The following KCNQ3 variants were observed in gnomAD, a reference collection of about 807,000 sequenced individuals.
The protein encoded by KCNQ3 is potassium voltage-gated channel subfamily Q member 3, also known as potassium voltage-gated channel subfamily KQT member 3.
Under a neutral mutation model 92.5 loss-of-function variants are expected in KCNQ3, and 30 were observed. That is an observed-to-expected ratio of 0.32 (90% CI 0.24 to 0.44). The LOEUF (loss-of-function observed/expected upper bound fraction) is 0.44. Ranked by LOEUF, KCNQ3 falls within the 20% of genes least tolerant of loss-of-function variation. The pLI is 1.00. For synonymous variants in KCNQ3, 450 were observed against 468.8 expected (o/e 0.96, Z 0.52); for missense variants, 913 against 1,140.3 (o/e 0.80, Z 2.87).
At chr8:132,339,279 A>G (rs1021474337) in intron 1 of KCNQ3, among the ~76,000 whole-genome samples, 2 of 152,196 alleles carry the variant, frequency 1.3e-5, no homozygotes, top group Non-Finnish European at 2.9e-5. Flanking sequence ...TATCATTTTT[A>G]ACTTCTTCTG....
intron 1 of KCNQ3, among the ~76,000 whole-genome samples, chr8:132,289,573 G>C (rs1816783500): frequency 6.6e-6 from 1 of 152,044 alleles, no homozygotes; most frequent in Admixed American, 6.5e-5. Context: ...CACCTACAAG[G>C]ATACATAAGA....
intron 1 of KCNQ3, among the ~76,000 whole-genome samples, chr8:132,230,460 AG>A (rs1814606778): frequency 6.7e-6 from 1 of 149,600 alleles, no homozygotes; most frequent in African/African-American, 2.5e-5. Context: ...AGAGAGAGAG[AG>A]AGAGAGAGAG....
At chr8:132,181,509 A>G (rs1394787689) in intron 3 of KCNQ3, among the ~76,000 whole-genome samples, 3 of 152,162 alleles carry the variant, frequency 2.0e-5, no homozygotes, top group Non-Finnish European at 4.4e-5. Context: ...AGTGAAGTAT[A>G]GTCTTTCCCA....
intron 1 of KCNQ3, among the ~76,000 whole-genome samples, chr8:132,218,856 T>A (rs910422229): frequency 6.6e-6 from 1 of 152,164 alleles, no homozygotes; most frequent in Middle Eastern, 3.2e-3. Flanking sequence ...CAGAAACACA[T>A]GGAGGCCCAG....
intron 8 of KCNQ3, among the ~76,000 whole-genome samples, chr8:132,167,570 G>C (rs529498015): frequency 6.6e-6 from 1 of 152,314 alleles, no homozygotes; most frequent in Non-Finnish European, 1.5e-5. Context: ...TTAACATACA[G>C]AGTGGGTTGG....
intron 1 of KCNQ3, among the ~76,000 whole-genome samples, chr8:132,318,782 A>G (rs1817813785): frequency 6.6e-6 from 1 of 152,212 alleles, no homozygotes; most frequent in Admixed American, 6.5e-5. Flanking sequence ...TGCCAACTCT[A>G]TGGGAAACAC....
In KCNQ3 at chr8:132,219,111, G is replaced by A. The variant is rs140228028; in HGVS notation, c.387-32930C>T. 4.3e-3 allele frequency among the ~76,000 whole-genome samples: 657 copies of A among 152,264 alleles called. 4 individuals carry two copies. The highest frequency in any genetic ancestry group is 0.015 in the African/African-American group (621 of 41,552). ...TTGGCTAAGGTCAATACCGGCAAAT[G>A]GAGCATCTCAGAATCTGGTTTATCT... On this transcript the variant is annotated intron_variant, in intron 1 of 14. Coordinates refer to ENST00000388996, the MANE Select transcript of KCNQ3 (RefSeq NM_004519.4).
chr8:132,237,808 T>C (rs1439403562), intron 1 of KCNQ3, among the ~76,000 whole-genome samples: 1 of 152,124 alleles, frequency 6.6e-6, no homozygotes, highest in Non-Finnish European at 1.5e-5. Context: ...AAATTTGTCA[T>C]TAAGATAAAA....
chr8:132,161,558 G>T (rs1325946831), intron 9 of KCNQ3, among the ~76,000 whole-genome samples: 1 of 151,952 alleles, frequency 6.6e-6, no homozygotes, highest in Non-Finnish European at 1.5e-5. Context: ...CTTGAACCCA[G>T]GAAGCAGAGG....
chr8:132,431,801 C>A (rs1821258539), intron 1 of KCNQ3, among the ~76,000 whole-genome samples: 1 of 152,178 alleles, frequency 6.6e-6, no homozygotes. Flanking sequence ...GGTAGTATCC[C>A]AACTTACATG....
intron 1 of KCNQ3, among the ~76,000 whole-genome samples, chr8:132,283,848 A>G (rs954064928): frequency 6.6e-6 from 1 of 152,262 alleles, no homozygotes; most frequent in Non-Finnish European, 1.5e-5. Flanking sequence ...AAACATGGTC[A>G]CAAGGATTAC....
At position 132,331,532 on chromosome 8, in the gene KCNQ3, G is replaced by A. The variant is rs191145374; in HGVS notation, c.387-145351C>T. On this transcript the variant is annotated intron_variant, in intron 1 of 14. Transcript: ENST00000388996. Reference sequence around the variant, plus strand: ...ACAGACTAGGGAAAGTCATAGCCTGGGCAGCTGTGGCTGCTGCTTCCTCCC... The same window carrying A: ...ACAGACTAGGGAAAGTCATAGCCTGAGCAGCTGTGGCTGCTGCTTCCTCCC... 7.2e-5 allele frequency among the ~76,000 whole-genome samples: 11 copies of A among 152,126 alleles called. No individual in the cohort carries two copies. In the East Asian group the frequency reaches 1.6e-3, roughly 21 times the overall value.
At chr8:132,301,575 G>A (rs1364164662) in intron 1 of KCNQ3, among the ~76,000 whole-genome samples, 3 of 152,198 alleles carry the variant, frequency 2.0e-5, no homozygotes, top group Admixed American at 2.0e-4. Flanking sequence ...CAACAAGGGT[G>A]AAGTGAGAAT....
chr8:132,277,242 C>T (rs767709297), intron 1 of KCNQ3, among the ~76,000 whole-genome samples: 4 of 152,132 alleles, frequency 2.6e-5, no homozygotes, highest in Admixed American at 2.6e-4. Context: ...TCAGAGATGT[C>T]GAACAACCTG....
At chr8:132,372,772 AC>A (rs66794045) in intron 1 of KCNQ3, among the ~76,000 whole-genome samples, 14,869 of 130,914 alleles carry the variant, frequency 0.11, 2,095 homozygotes, top group East Asian at 0.25. Context: ...AAAAAAAAAA[AC>A]AAAAAAAAAA....
intron 1 of KCNQ3, among the ~76,000 whole-genome samples, chr8:132,248,257 CT>C (rs1350611789): frequency 6.6e-6 from 1 of 151,832 alleles, no homozygotes; most frequent in Non-Finnish European, 1.5e-5. Flanking sequence ...TACTTTTCTT[CT>C]TTTCATCAGA....
At position 132,121,854 on chromosome 8, in the gene KCNQ3, C is replaced by A. The variant is rs1430821881; in HGVS notation, c.*7408G>T. 5 of 152,172 alleles carry A rather than the reference C, an allele frequency of 3.3e-5. No homozygotes were observed. Among genetic ancestry groups the A allele is most frequent in the Non-Finnish European group, 7.3e-5 (5 of 68,038 alleles). The allele number at this position is 152,172 out of a possible 1,614,324, so 9.4% of individuals were successfully genotyped here. A position where few individuals can be genotyped will look rare whatever the true frequency, so the allele number is the denominator to read the frequency against. ...GTGGATGATCTGCAGCCACACCAAGCCCCGAGAGCTAATGGATTCCAATGT... is the reference window on the plus strand; with the variant it reads ...GTGGATGATCTGCAGCCACACCAAGACCCGAGAGCTAATGGATTCCAATGT... On this transcript the variant is annotated 3_prime_UTR_variant, in exon 15 of 15. Coordinates refer to ENST00000388996, the MANE Select transcript of KCNQ3 (RefSeq NM_004519.4).
intron 1 of KCNQ3, among the ~76,000 whole-genome samples, chr8:132,303,633 G>T (rs1160595967): frequency 1.2e-4 from 4 of 32,102 alleles, no homozygotes; most frequent in African/African-American, 4.9e-4. Context: ...TATATATATG[G>T]TGTATATATA....
At chr8:132,149,509 A>G (rs1825569062) in intron 9 of KCNQ3, among the ~76,000 whole-genome samples, 1 of 152,180 alleles carries the variant, frequency 6.6e-6, no homozygotes, top group South Asian at 2.1e-4. Flanking sequence ...TGGTGCCCAG[A>G]ACATGGGATC....
Sources: gnomAD v4.1 joint callset for allele counts (sites outside exome capture counted in the v4.1 genomes callset) on GRCh38, gnomAD v4.1.1 for gene constraint, MANE v1.5 for transcripts, NCBI Gene and HGNC (gene_info 2026-07-23, HGNC 2026-07-21) for gene names.